Variants in CSAD observed in about 807,000 individuals in gnomAD.
CSAD encodes cysteine sulfinic acid decarboxylase, also known as P-selectin cytoplasmic tail-associated protein.
In CSAD, 47 loss-of-function variants were observed where a neutral mutation model predicts 61.5. The observed-to-expected ratio is 0.76, with a 90% CI of 0.60 to 0.97. CSAD has a LOEUF of 0.97. CSAD is among the 50% of genes least tolerant of loss of function. CSAD has a pLI of 0.00. For synonymous variants in CSAD, 245 were observed against 252.7 expected (o/e 0.97, Z 0.29); for missense variants, 611 against 643.6 (o/e 0.95, Z 0.55).
intron 12 of CSAD, 110 bp downstream of exon 12, chr12:53,161,017 C>A: frequency 8.3e-7 from 1 of 1,209,942 alleles, no homozygotes. Context: ...CTCTCCAGTC[C>A]CCCTCCCCTC....
chr12:53,167,088 T>G (rs1254309789), intron 10 of CSAD, among the ~76,000 whole-genome samples: 1 of 152,210 alleles, frequency 6.6e-6, no homozygotes, highest in African/African-American at 2.4e-5. Context: ...TAATGCCCTC[T>G]GGCTAGTGTC....
At chr12:53,166,663 C>T (rs1185166953) in intron 10 of CSAD, among the ~76,000 whole-genome samples, 2 of 150,866 alleles carry the variant, frequency 1.3e-5, no homozygotes, top group East Asian at 2.0e-4. Context: ...GGTTTGGTGG[C>T]GAGGGGCCTG....
chr12:53,180,184 G>A (rs1367585217), intron 1 of CSAD: 1 of 985,302 alleles, frequency 1.0e-6, no homozygotes, highest in African/African-American at 1.7e-5. Flanking sequence ...GCAAGAGTGT[G>A]CGAAGAAAAG....
rs1428534920 is a variant in CSAD, at chr12:53,170,305, G to A, written c.647+118C>T. ...GGTAGACAGGAACAGCAATTCTACT[G>A]AATAGCGAGGGGAGAGAGGTCCACC... is the stretch of plus-strand genomic sequence containing the variant. On this transcript the variant is annotated intron_variant, in intron 9 of 16. Transcript: ENST00000444623. 6.8e-6 allele frequency: 7 copies of A among 1,021,966 alleles called. No individual in the cohort carries two copies. The East Asian group carries it at 1.7e-4, about 25-fold the overall frequency. 63.3% of individuals were successfully genotyped at this position (1,021,966 alleles called of 1,614,324 possible).
chr12:53,163,061 CAAA>C (rs139430790), intron 10 of CSAD, among the ~76,000 whole-genome samples: 1 of 112,490 alleles, frequency 8.9e-6, no homozygotes. Context: ...AACTCTGTCT[CAAA>C]AAAAAAAAAA....
At position 53,159,128 on chromosome 12, in the gene CSAD, A is replaced by C. The variant is rs77874318; in HGVS notation, c.1309-444T>G. The stretch of plus-strand genomic sequence containing the variant: ...CACTGCCTTGAACACATTGCTTCCA[A>C]GTAGGTAACTCTTGCCTTATAATAA... On this transcript the variant is annotated intron_variant, in intron 16 of 16. Transcript: ENST00000444623. Among the ~76,000 whole-genome samples, 780 of 152,268 alleles carry C rather than the reference A, an allele frequency of 5.1e-3. 8 individuals carry two copies. The highest frequency in any genetic ancestry group is 0.018 in the African/African-American group (754 of 41,550).
chr12:53,170,142 C>G lies in CSAD; in HGVS notation c.648-16G>C. ...CATTTTCCCTCTGAAAAAGAAAATG[C>G]AGAGGGTAGAGCAGGGACAGGTTCT... On this transcript the variant is annotated splice_polypyrimidine_tract_variant and intron_variant, in intron 9 of 16. Coordinates refer to ENST00000444623, the MANE Select transcript of CSAD (RefSeq NM_001244705.2). 1 of 1,612,564 alleles carries G rather than the reference C, an allele frequency of 6.2e-7. No homozygotes were observed. Among genetic ancestry groups the G allele is most frequent in the South Asian group, 1.1e-5 (1 of 91,004 alleles).
At chr12:53,162,152 T>C (rs774193270) in intron 10 of CSAD, among the ~76,000 whole-genome samples, 2 of 151,648 alleles carry the variant, frequency 1.3e-5, no homozygotes, top group Non-Finnish European at 2.9e-5. Flanking sequence ...TCCCAGCTAC[T>C]TGGGAGGCGG....
chr12:53,172,136 G>A, intron 6 of CSAD, 148 bp from the exon 7 acceptor site: 1 of 728,566 alleles, frequency 1.4e-6, no homozygotes, highest in Non-Finnish European at 2.3e-6. Flanking sequence ...GACAGAACCA[G>A]GGAAGCAAGA....
At chr12:53,171,000 C>T (rs778039110) in intron 8 of CSAD, 3 of 483,306 alleles carry the variant, frequency 6.2e-6, no homozygotes, top group South Asian at 3.4e-5. Context: ...GGATTACAGG[C>T]GTGAGTCACC....
chr12:53,165,320 G>A (rs1939781318), intron 10 of CSAD, among the ~76,000 whole-genome samples: 2 of 151,436 alleles, frequency 1.3e-5, no homozygotes, highest in South Asian at 2.1e-4. Flanking sequence ...CAGCCTGGGT[G>A]ACAGAGCAAG....
chr12:53,179,935 G>C, intron 1 of CSAD: 1 of 1,589,196 alleles, frequency 6.3e-7, no homozygotes, highest in South Asian at 1.1e-5. Flanking sequence ...CCAAGAGCCA[G>C]GACTCCCATA....
rs773998581 is a variant in CSAD at position 53,170,502 on chromosome 12, A to G, written c.568T>C (p.Cys190Arg). Residue 190 changes from cysteine (C) to arginine (R), a missense_variant and splice_region_variant, in exon 9 of 17, where the codon TGT becomes CGT. Physicochemically the swap from Cys to Arg is radical, Grantham distance 180. Transcript: ENST00000444623. ...GCTCCCTTCTGGATGGAGTAGTGAC[A>G]CTGTGGGGGAAGGCAGAGGGCAAGT... Reference protein sequence around the residue: ...PPLALFTSKECHYSIQKGAAF... With the variant: ...PPLALFTSKERHYSIQKGAAF... The G allele has an allele frequency of 6.2e-7, 1 of 1,613,850 alleles. No homozygotes were observed. Among genetic ancestry groups the G allele is most frequent in the Non-Finnish European group, 8.5e-7 (1 of 1,179,796 alleles).
At chr12:53,174,752 A>G (rs372677035) in intron 2 of CSAD, among the ~76,000 whole-genome samples, 1 of 152,164 alleles carries the variant, frequency 6.6e-6, no homozygotes, top group East Asian at 1.9e-4. Context: ...AGATGGTACC[A>G]CTGCACTCCA....
In CSAD at chr12:53,180,858, C is replaced by A. The variant is rs1941557561; in HGVS notation, c.-217G>T. 7 of 1,257,340 alleles carry A rather than the reference C, an allele frequency of 5.6e-6. No individual in the cohort carries two copies. Among genetic ancestry groups the A allele is most frequent in the Non-Finnish European group, 7.2e-6 (7 of 975,508 alleles). 77.9% of individuals were successfully genotyped at this position (1,257,340 alleles called of 1,614,324 possible). On this transcript the variant is annotated 5_prime_UTR_variant, in exon 1 of 17. Coordinates refer to ENST00000444623, the MANE Select transcript of CSAD (RefSeq NM_001244705.2). The stretch of plus-strand genomic sequence containing the variant: ...GGCAGGTAGGAGCAAGCCCCAAAGA[C>A]CGCAGCGTCGTCCGTACAGACGGCA...
rs761170594 is a variant in CSAD, at chr12:53,180,905, C to T, written c.-264G>A. On this transcript the variant is annotated 5_prime_UTR_variant, in exon 1 of 17. Coordinates refer to ENST00000444623, the MANE Select transcript of CSAD (RefSeq NM_001244705.2). ...GGCAGCGCTTCAGTAGCTCGCAAGC[C>T]GTGGGGTGCCGCGCGGGAAGGGGGA... 158 of 1,003,430 alleles carry T rather than the reference C, an allele frequency of 1.6e-4. No individual in the cohort carries two copies. The African/African-American group carries it at 3.1e-3, about 20-fold the overall frequency. The allele number at this position is 1,003,430 out of a possible 1,614,324, so 62.2% of individuals were successfully genotyped here.
rs750785881 is a variant in CSAD at position 53,159,606 on chromosome 12, C to T, written c.1308+17G>A. ...TCAGCTCCCTAACGGGTAAAGAGAG[C>T]AGCACAGCACGCCTACCTTTGACAG... is the stretch of plus-strand genomic sequence containing the variant. On this transcript the variant is annotated intron_variant, in intron 16 of 16. Transcript: ENST00000444623. 6 of 1,602,156 alleles carry T rather than the reference C, an allele frequency of 3.7e-6. No individual in the cohort carries two copies. Among genetic ancestry groups the T allele is most frequent in the Non-Finnish European group, 5.1e-6 (6 of 1,173,226 alleles).
At position 53,161,404 on chromosome 12, in the gene CSAD, T is replaced by A; in HGVS notation, c.703-15A>T. 6.3e-7 allele frequency: 1 copy of A among 1,598,760 alleles called. No homozygotes were observed. Among genetic ancestry groups the A allele is most frequent in the Non-Finnish European group, 8.6e-7 (1 of 1,167,004 alleles). On this transcript the variant is annotated splice_polypyrimidine_tract_variant and intron_variant, in intron 10 of 16. Coordinates refer to ENST00000444623, the MANE Select transcript of CSAD (RefSeq NM_001244705.2). Reference sequence around the variant, plus strand: ...GGCACAGCACCCTGTTGCCAAAATGTAGAGGGAGAAAGATGTAAAGTCATC... The same window carrying A: ...GGCACAGCACCCTGTTGCCAAAATGAAGAGGGAGAAAGATGTAAAGTCATC...
In CSAD at chr12:53,171,931, T is replaced by G. The variant is rs774149182; in HGVS notation, c.402A>C (p.Lys134Asn). 1.2e-6 allele frequency: 2 copies of G among 1,613,710 alleles called. No homozygotes were observed. Among genetic ancestry groups the G allele is most frequent in the South Asian group, 2.2e-5 (2 of 90,958 alleles). ...AGCTCCAGCCCACCAGGGCCCGCAG[T>G]TTCCTCAGCACCTCCTCTTCCATGA... ...FVLMEEEVLR[K>N]LRALVGWSSG... The change falls in exon 7 of 17, where the codon AAA becomes AAC. Residue 134 changes from lysine (K) to asparagine (N), a missense_variant. Physicochemically the swap from Lys to Asn is moderately conservative, Grantham distance 94 (BLOSUM62 0). Transcript: ENST00000444623.
Sources: allele counts gnomAD v4.1 joint callset (sites outside exome capture counted in the v4.1 genomes callset), GRCh38; gene constraint gnomAD v4.1.1; transcripts MANE v1.5; gene names NCBI Gene and HGNC (gene_info 2026-07-23, HGNC 2026-07-21).